The following CAMTA1 variants were observed in gnomAD, a reference collection of about 807,000 sequenced individuals.
CAMTA1 encodes the protein calmodulin-binding transcription activator 1.
CAMTA1 carries 27 observed loss-of-function variants against 170.9 expected under a neutral mutation model. The observed-to-expected ratio is 0.16, with a 90% CI of 0.12 to 0.22. CAMTA1 has a LOEUF of 0.22. Among genes scored for constraint, CAMTA1 ranks in the 10% least tolerant of loss-of-function variants. The probability of loss-of-function intolerance (pLI) is 1.00; values close to 1 mark genes in which losing one functional copy is unlikely to be tolerated. For synonymous variants in CAMTA1, 833 were observed against 891.5 expected (o/e 0.93, Z 1.17); for missense variants, 1,619 against 2,217.2 (o/e 0.73, Z 5.42).
rs929993930 is a variant in CAMTA1, at chr1:7,661,982, G to A, written c.805+116G>A. 5.7e-6 allele frequency: 7 copies of A among 1,231,292 alleles called. No individual in the cohort carries two copies. The African/African-American group carries it at 9.1e-5, about 16-fold the overall frequency. 76.3% of individuals were successfully genotyped at this position (1,231,292 alleles called of 1,614,324 possible). A position where few individuals can be genotyped will look rare whatever the true frequency, so the allele number is the denominator to read the frequency against. On this transcript the variant is annotated intron_variant, in intron 8 of 22. Coordinates refer to ENST00000303635, the MANE Select transcript of CAMTA1 (RefSeq NM_015215.4). ...ATGACATCTAGTGAGGGAGGAGGGG[G>A]ACAGTCAGGGACTGGGCGACACCAC...
Position 7,424,534 on chromosome 1 carries a change from T to C in CAMTA1, c.439-43296T>C, listed in dbSNP as rs145401305. On this transcript the variant is annotated intron_variant, in intron 5 of 22. Transcript: ENST00000303635. ...GGTGACTCCCATCCCACTTGCTGCA[T>C]GGGAGCAAACAGGGCAGCCACGTCC... Among the ~76,000 whole-genome samples the C allele has an allele frequency of 5.1e-3, 776 of 152,098 alleles. 5 individuals carry two copies. The highest frequency in any genetic ancestry group is 0.017 in the African/African-American group (725 of 41,482).
At chr1:7,316,651 C>T (rs1386852403) in intron 5 of CAMTA1, among the ~76,000 whole-genome samples, 2 of 152,164 alleles carry the variant, frequency 1.3e-5, no homozygotes, top group African/African-American at 4.8e-5. Context: ...CAGCAATCTG[C>T]TAGACTGGGG....
At chr1:6,904,540 TTTTC>T (rs748663875) in intron 3 of CAMTA1, among the ~76,000 whole-genome samples, 133 of 151,754 alleles carry the variant, frequency 8.8e-4, no homozygotes, top group Non-Finnish European at 1.4e-3. Context: ...AAGCCTTTTT[TTTTC>T]TTTCTTTCTT....
At chr1:7,066,639 G>A (rs1708998859) in intron 3 of CAMTA1, among the ~76,000 whole-genome samples, 1 of 152,224 alleles carries the variant, frequency 6.6e-6, no homozygotes, top group Admixed American at 6.5e-5. Flanking sequence ...CTTGCTTAAA[G>A]AGAAAACCTT....
intron 1 of CAMTA1, among the ~76,000 whole-genome samples, chr1:6,803,869 C>T (rs751696168): frequency 1.2e-4 from 18 of 151,942 alleles, no homozygotes; most frequent in Non-Finnish European, 1.6e-4. Flanking sequence ...CATGTATCAC[C>T]ATGCCTAGCT....
intron 7 of CAMTA1, among the ~76,000 whole-genome samples, chr1:7,643,650 A>G (rs1329784809): frequency 1.3e-5 from 2 of 152,260 alleles, no homozygotes; most frequent in Non-Finnish European, 2.9e-5. Flanking sequence ...TGCCTGCTCA[A>G]AAATCTGCAG....
intron 3 of CAMTA1, among the ~76,000 whole-genome samples, chr1:7,089,905 C>T (rs757658401): frequency 1.5e-4 from 23 of 152,130 alleles, no homozygotes; most frequent in Non-Finnish European, 2.2e-4. Flanking sequence ...GGAAATAACA[C>T]GTAAAAAGGC....
rs750097122 is a variant in CAMTA1, at chr1:7,511,041, T to C, written c.510+43140T>C. 3.4e-5 allele frequency among the ~76,000 whole-genome samples: 5 copies of C among 145,262 alleles called. 1 individual carries two copies. Among genetic ancestry groups the C allele is most frequent in the Non-Finnish European group, 7.7e-5 (5 of 64,794 alleles). ...TCCGTGTGTGTTACTCCTTCGGCAC[T>C]CGCCCGATTGCCCGAGGCATTCTTT... On this transcript the variant is annotated intron_variant, in intron 6 of 22. Coordinates refer to ENST00000303635, the MANE Select transcript of CAMTA1 (RefSeq NM_015215.4).
At chr1:7,279,640 G>A (rs75156872) in intron 5 of CAMTA1, among the ~76,000 whole-genome samples, 36 of 152,224 alleles carry the variant, frequency 2.4e-4, no homozygotes, top group African/African-American at 8.4e-4. Flanking sequence ...CCTGGCCTCC[G>A]ACCCCATGCG....
At chr1:6,794,895 T>TG (rs1461397244) in intron 1 of CAMTA1, among the ~76,000 whole-genome samples, 4 of 150,260 alleles carry the variant, frequency 2.7e-5, no homozygotes, top group Non-Finnish European at 4.4e-5. Context: ...TTTTTGTTTT[T>TG]TTTGTTTTTT....
rs115713139 is a variant in CAMTA1, at chr1:7,246,976, C to T, written c.303-2515C>T. Among the ~76,000 whole-genome samples the T allele has an allele frequency of 3.9e-3, 598 of 152,276 alleles. 5 individuals carry two copies. Among genetic ancestry groups the T allele is most frequent in the African/African-American group, 0.014 (562 of 41,556 alleles). On this transcript the variant is annotated intron_variant, in intron 4 of 22. Coordinates refer to ENST00000303635, the MANE Select transcript of CAMTA1 (RefSeq NM_015215.4). ...TTGATTCTTTTCTGGGACGGCAGTA[C>T]GGCCTCATTTTCTTTGCCTTGGGGG... is the stretch of plus-strand genomic sequence containing the variant.
At chr1:7,615,006 C>T (rs1191272424) in intron 6 of CAMTA1, among the ~76,000 whole-genome samples, 1 of 152,258 alleles carries the variant, frequency 6.6e-6, no homozygotes, top group Non-Finnish European at 1.5e-5. Context: ...CCACTCCACA[C>T]ACCTACAAAG....
intron 3 of CAMTA1, among the ~76,000 whole-genome samples, chr1:6,983,330 G>A (rs1238840954): frequency 2.0e-5 from 3 of 151,968 alleles, no homozygotes; most frequent in Non-Finnish European, 2.9e-5. Flanking sequence ...CCTCCACTAC[G>A]TTCCAGCTAT....
chr1:6,832,424 A>G (rs923608562), intron 3 of CAMTA1, among the ~76,000 whole-genome samples: 8 of 152,156 alleles, frequency 5.3e-5, no homozygotes, highest in Non-Finnish European at 7.3e-5. Context: ...GTGTCGATAC[A>G]TAATCTTGAG....
chr1:7,403,996 G>A (rs2090110269), intron 5 of CAMTA1, among the ~76,000 whole-genome samples: 1 of 152,228 alleles, frequency 6.6e-6, no homozygotes, highest in South Asian at 2.1e-4. Context: ...GCAGCGGGGA[G>A]GGATGCTGTT....
chr1:7,088,999 G>A (rs772130772), intron 3 of CAMTA1, among the ~76,000 whole-genome samples: 1 of 152,260 alleles, frequency 6.6e-6, no homozygotes. Flanking sequence ...ACGTGGTGCT[G>A]TCCGGGGTGG....
At chr1:7,407,073 G>A (rs1403598288) in intron 5 of CAMTA1, among the ~76,000 whole-genome samples, 2 of 152,218 alleles carry the variant, frequency 1.3e-5, no homozygotes, top group South Asian at 2.1e-4. Context: ...GACATCAGGC[G>A]GCTGCTGAAC....
chr1:7,452,946 A>G (rs1217799419), intron 5 of CAMTA1, among the ~76,000 whole-genome samples: 1 of 152,222 alleles, frequency 6.6e-6, no homozygotes, highest in Non-Finnish European at 1.5e-5. Flanking sequence ...CAGTTTCTCT[A>G]TGAAGTTCAA....
chr1:7,349,528 C>T (rs1021516299), intron 5 of CAMTA1, among the ~76,000 whole-genome samples: 4 of 152,354 alleles, frequency 2.6e-5, no homozygotes, highest in Admixed American at 6.5e-5. Context: ...CACGGGGCGA[C>T]GTACGCAGCA....
Sources: gnomAD v4.1 joint callset for allele counts (sites outside exome capture counted in the v4.1 genomes callset) on GRCh38, gnomAD v4.1.1 for gene constraint, MANE v1.5 for transcripts, NCBI Gene and HGNC (gene_info 2026-07-23, HGNC 2026-07-21) for gene names.